UGT1A8: variants seen among roughly 807,000 people sequenced by gnomAD.
The protein encoded by UGT1A8 is UDP-glucuronosyltransferase 1A8.
In UGT1A8, 39 loss-of-function variants were observed where a neutral mutation model predicts 45.3. That is an observed-to-expected ratio of 0.86 (90% CI 0.67 to 1.12). UGT1A8 has a LOEUF of 1.12. Among genes scored for constraint, UGT1A8 ranks in the 50% most tolerant of loss-of-function variants. The probability of loss-of-function intolerance (pLI) is 0.00; values close to 1 mark genes in which losing one functional copy is unlikely to be tolerated. For missense variants in UGT1A8, 719 were observed against 664.9 expected (o/e 1.08, Z -0.90); for synonymous variants, 275 against 249.2 (o/e 1.10, Z -0.97).
intron 1 of UGT1A8, among the ~76,000 whole-genome samples, chr2:233,671,200 C>T (rs1028687525): frequency 1.9e-4 from 29 of 152,206 alleles, no homozygotes; most frequent in Non-Finnish European, 1.2e-4. Context: ...TGAGCGGTCA[C>T]TGAGAGGCAG....
At chr2:233,728,345 G>A (rs2077703623) in intron 1 of UGT1A8, among the ~76,000 whole-genome samples, 1 of 152,208 alleles carries the variant, frequency 6.6e-6, no homozygotes, top group Non-Finnish European at 1.5e-5. Context: ...GTCCCTTGGT[G>A]AGCAGGAGCT....
intron 1 of UGT1A8, chr2:233,713,523 T>C (rs2076327329): frequency 6.2e-7 from 1 of 1,613,946 alleles, no homozygotes. Flanking sequence ...GAACATTCCA[T>C]GTGATTTAGA....
chr2:233,749,921 T>C (rs1694306476), intron 1 of UGT1A8, among the ~76,000 whole-genome samples: 1 of 151,948 alleles, frequency 6.6e-6, no homozygotes. Flanking sequence ...TGTGAGTCAA[T>C]TAAAGCTCTT....
intron 1 of UGT1A8, among the ~76,000 whole-genome samples, chr2:233,627,624 T>TCTTCCTTC (rs4047191): frequency 0.22 from 24,876 of 111,648 alleles, 3,199 homozygotes; most frequent in South Asian, 0.28. Context: ...TTCCTTCCTT[T>TCTTCCTTC]CTTCCTTCCT....
intron 1 of UGT1A8, among the ~76,000 whole-genome samples, chr2:233,645,044 C>T (rs1034997064): frequency 1.3e-5 from 2 of 152,048 alleles, no homozygotes; most frequent in African/African-American, 4.8e-5. Flanking sequence ...ACTTTGACAC[C>T]TTTAGGGTTC....
intron 1 of UGT1A8, among the ~76,000 whole-genome samples, chr2:233,749,032 A>G (rs1468122905): frequency 5.3e-5 from 8 of 151,716 alleles, no homozygotes; most frequent in Non-Finnish European, 1.2e-4. Flanking sequence ...TTTGGGGTTC[A>G]TTGATGTGGT....
Position 233,653,762 on chromosome 2 carries a change from A to G in UGT1A8, c.855+35200A>G, listed in dbSNP as rs527308854. Among the ~76,000 whole-genome samples the G allele has an allele frequency of 3.9e-4, 60 of 152,224 alleles. 1 individual carries two copies. The highest frequency in any genetic ancestry group is 1.4e-3 in the African/African-American group (60 of 41,536). ...CAGATGCCCACCACCACAGTCAGCA[A>G]ATTTTTGTATTTTTAGTAGACATGG... On this transcript the variant is annotated intron_variant, in intron 1 of 4. Transcript: ENST00000373450.
intron 1 of UGT1A8, chr2:233,708,366 T>C (rs1157457185): frequency 1.3e-5 from 2 of 152,232 alleles, no homozygotes; most frequent in South Asian, 2.1e-4. Context: ...TAATTCTTCA[T>C]TTAAACGTCT....
chr2:233,719,679 C>T (rs781186031), intron 1 of UGT1A8: 1 of 1,613,946 alleles, frequency 6.2e-7, no homozygotes, highest in Non-Finnish European at 8.5e-7. Flanking sequence ...CGGGAAGCCA[C>T]TATCTCAGGT....
intron 1 of UGT1A8, among the ~76,000 whole-genome samples, chr2:233,766,243 G>T (rs1253047551): frequency 1.3e-5 from 2 of 152,008 alleles, no homozygotes; most frequent in Non-Finnish European, 2.9e-5. Flanking sequence ...GTTTCCCCTG[G>T]AGTCAGACCG....
At chr2:233,629,366 C>T (rs1559314719) in intron 1 of UGT1A8, among the ~76,000 whole-genome samples, 1 of 152,064 alleles carries the variant, frequency 6.6e-6, no homozygotes, top group Non-Finnish European at 1.5e-5. Flanking sequence ...GTTGTTTCCA[C>T]TTCTTGTCTG....
chr2:233,727,030 G>T (rs2077579042), intron 1 of UGT1A8, among the ~76,000 whole-genome samples: 1 of 152,072 alleles, frequency 6.6e-6, no homozygotes, highest in South Asian at 2.1e-4. Flanking sequence ...TGTACCCTAA[G>T]GAATCTTTAC....
intron 1 of UGT1A8, among the ~76,000 whole-genome samples, chr2:233,620,498 C>G (rs765466112): frequency 6.6e-6 from 1 of 152,064 alleles, no homozygotes; most frequent in African/African-American, 2.4e-5. Flanking sequence ...TTTATATCAC[C>G]TACGATAGGG....
At chr2:233,752,155 C>T (rs1694901340) in intron 1 of UGT1A8, among the ~76,000 whole-genome samples, 1 of 152,178 alleles carries the variant, frequency 6.6e-6, no homozygotes, top group African/African-American at 2.4e-5. Flanking sequence ...CTTCTAGATG[C>T]TTTCTAGTGT....
At position 233,773,058 on chromosome 2, in the gene UGT1A8, T is replaced by C. The variant is rs893890445; in HGVS notation, c.*499T>C. The C allele has an allele frequency of 5.7e-6, 1 of 175,710 alleles. No homozygotes were observed. The highest frequency in any genetic ancestry group is 2.4e-5 in the African/African-American group (1 of 41,884). The allele number at this position is 175,710 out of a possible 1,614,324, so 10.9% of individuals were successfully genotyped here. A position where few individuals can be genotyped will look rare whatever the true frequency, so the allele number is the denominator to read the frequency against. On this transcript the variant is annotated 3_prime_UTR_variant, in exon 5 of 5. Transcript: ENST00000373450. ...AGGGAAGCTTTGTACCTTTAGAGTGTAGGTGAAATGAATGAATGGCTTGGA... is the reference window on the plus strand; with the variant it reads ...AGGGAAGCTTTGTACCTTTAGAGTGCAGGTGAAATGAATGAATGGCTTGGA...
intron 1 of UGT1A8, chr2:233,743,701 C>A (rs13009407): frequency 2.9e-6 from 4 of 1,367,150 alleles, no homozygotes; most frequent in South Asian, 2.3e-5. Context: ...CGCCCTCCGC[C>A]CCCGCCTCGC....
At chr2:233,724,493 G>A (rs1411892457) in intron 1 of UGT1A8, among the ~76,000 whole-genome samples, 16 of 76,170 alleles carry the variant, frequency 2.1e-4, no homozygotes, top group South Asian at 6.4e-4. Flanking sequence ...CGGGGCGGCC[G>A]GGCAGAGACG....
intron 1 of UGT1A8, among the ~76,000 whole-genome samples, chr2:233,627,677 C>T (rs867012784): frequency 4.1e-5 from 5 of 120,916 alleles, no homozygotes; most frequent in African/African-American, 1.7e-4. Context: ...TCCTTCCTTC[C>T]TTCTTTCTTT....
chr2:233,678,880 C>A (rs2074431120), intron 1 of UGT1A8, among the ~76,000 whole-genome samples: 1 of 152,164 alleles, frequency 6.6e-6, no homozygotes, highest in African/African-American at 2.4e-5. Flanking sequence ...TTCATGACTT[C>A]CTTGATTGGC....
Sources: allele counts gnomAD v4.1 joint callset (sites outside exome capture counted in the v4.1 genomes callset), GRCh38; gene constraint gnomAD v4.1.1; transcripts MANE v1.5; gene names NCBI Gene and HGNC (gene_info 2026-07-23, HGNC 2026-07-21).